The following ZMAT4 variants were observed in gnomAD, a reference collection of about 807,000 sequenced individuals.
ZMAT4 encodes zinc finger matrin-type protein 4.
Under a neutral mutation model 28.7 loss-of-function variants are expected in ZMAT4, and 17 were observed. The ratio of observed to expected loss-of-function variants is 0.59; its 90% CI spans 0.41 to 0.89. The LOEUF is 0.89. Ranked by LOEUF, ZMAT4 falls within the 40% of genes least tolerant of loss-of-function variation. The pLI, the probability that ZMAT4 is intolerant of heterozygous loss-of-function variation, is 0.00. For missense variants in ZMAT4, 240 were observed against 283.8 expected (o/e 0.85, Z 1.11); for synonymous variants, 117 against 109.2 (o/e 1.07, Z -0.44).
intron 5 of ZMAT4, among the ~76,000 whole-genome samples, chr8:40,619,361 A>G (rs1806120464): frequency 6.6e-6 from 1 of 152,170 alleles, no homozygotes; most frequent in Non-Finnish European, 1.5e-5. Flanking sequence ...TTCATGTTTA[A>G]AAAATAATAA....
chr8:40,781,205 C>A (rs1447969748), intron 2 of ZMAT4, among the ~76,000 whole-genome samples: 30 of 152,164 alleles, frequency 2.0e-4, no homozygotes, highest in Admixed American at 2.0e-3. Context: ...AATACAAAAA[C>A]CAATTGCATT....
chr8:40,783,264 G>C (rs1813919261), intron 2 of ZMAT4, among the ~76,000 whole-genome samples: 1 of 152,176 alleles, frequency 6.6e-6, no homozygotes, highest in Non-Finnish European at 1.5e-5. Flanking sequence ...ACATGGATAT[G>C]CCTTGAAATA....
intron 3 of ZMAT4, among the ~76,000 whole-genome samples, chr8:40,726,592 G>A (rs1458957086): frequency 1.3e-5 from 2 of 152,218 alleles, no homozygotes; most frequent in African/African-American, 4.8e-5. Context: ...TGGACTGAAT[G>A]TAATTTAGGT....
intron 5 of ZMAT4, among the ~76,000 whole-genome samples, chr8:40,630,186 T>C (rs1806523722): frequency 6.6e-6 from 1 of 152,230 alleles, no homozygotes; most frequent in Admixed American, 6.5e-5. Flanking sequence ...CTGCAAGTTT[T>C]CTTTTCTTCT....
chr8:40,765,874 A>T (rs1563469250), intron 3 of ZMAT4, among the ~76,000 whole-genome samples: 1 of 152,286 alleles, frequency 6.6e-6, no homozygotes, highest in East Asian at 1.9e-4. Flanking sequence ...AAGGATTCAG[A>T]TCTGATTGCT....
At chr8:40,730,823 G>C (rs1811505378) in intron 3 of ZMAT4, among the ~76,000 whole-genome samples, 1 of 152,148 alleles carries the variant, frequency 6.6e-6, no homozygotes, top group Non-Finnish European at 1.5e-5. Context: ...TCACACTTAT[G>C]GACTCTATCT....
chr8:40,746,517 C>A (rs1812243751), intron 3 of ZMAT4, among the ~76,000 whole-genome samples: 1 of 151,768 alleles, frequency 6.6e-6, no homozygotes, highest in South Asian at 2.1e-4. Flanking sequence ...GCGCATATCA[C>A]CACACCCAGT....
intron 5 of ZMAT4, among the ~76,000 whole-genome samples, chr8:40,611,237 T>C (rs1329701257): frequency 6.6e-6 from 1 of 152,178 alleles, no homozygotes; most frequent in East Asian, 1.9e-4. Context: ...GCCTAGCATA[T>C]CAGCTACAGC....
intron 5 of ZMAT4, among the ~76,000 whole-genome samples, chr8:40,618,251 T>C (rs892294326): frequency 2.0e-5 from 3 of 152,192 alleles, no homozygotes; most frequent in African/African-American, 7.2e-5. Context: ...TTCTTTGTCC[T>C]GGCATGACCA....
At chr8:40,749,003 C>G (rs1005915085) in intron 3 of ZMAT4, among the ~76,000 whole-genome samples, 1 of 152,130 alleles carries the variant, frequency 6.6e-6, no homozygotes, top group African/African-American at 2.4e-5. Context: ...CTCATGAGAT[C>G]TGATGCTTTT....
intron 4 of ZMAT4, 71 bp downstream of exon 4, chr8:40,697,174 G>C (rs1372067912): frequency 1.6e-4 from 228 of 1,460,174 alleles, no homozygotes; most frequent in Non-Finnish European, 2.0e-4. Flanking sequence ...TCTGAAGGAG[G>C]AGCATGATCT....
intron 6 of ZMAT4, among the ~76,000 whole-genome samples, chr8:40,548,487 A>G (rs1002750109): frequency 6.6e-6 from 1 of 152,180 alleles, no homozygotes; most frequent in African/African-American, 2.4e-5. Flanking sequence ...GGAAATGTTT[A>G]TGTTGCCTGA....
At chr8:40,660,978 C>A (rs1808167018) in intron 5 of ZMAT4, among the ~76,000 whole-genome samples, 1 of 152,174 alleles carries the variant, frequency 6.6e-6, no homozygotes, top group Admixed American at 6.5e-5. Flanking sequence ...GATATCAGGA[C>A]AATGGCATCT....
intron 3 of ZMAT4, among the ~76,000 whole-genome samples, chr8:40,720,393 G>A (rs1324321330): frequency 1.3e-5 from 2 of 152,074 alleles, no homozygotes; most frequent in East Asian, 3.9e-4. Flanking sequence ...TGGTCAGAAG[G>A]ACTTGCATTA....
At chr8:40,884,487 C>G (rs1818388238) in intron 1 of ZMAT4, 1 of 151,736 alleles carries the variant, frequency 6.6e-6, no homozygotes, top group Non-Finnish European at 1.5e-5. Context: ...CATGCACTAT[C>G]TCCAATGCCT....
At chr8:40,862,613 CAT>C (rs1192958478) in intron 1 of ZMAT4, among the ~76,000 whole-genome samples, 11 of 131,154 alleles carry the variant, frequency 8.4e-5, no homozygotes, top group Admixed American at 1.6e-4. Context: ...AAATTTGGCA[CAT>C]ATACACCATG....
chr8:40,562,920 G>C (rs1024901383), intron 6 of ZMAT4, among the ~76,000 whole-genome samples: 1 of 152,142 alleles, frequency 6.6e-6, no homozygotes, highest in South Asian at 2.1e-4. Context: ...GTCACGACGT[G>C]TGTGTGCACA....
At chr8:40,551,914 AAAGAAG>A (rs569928011) in intron 6 of ZMAT4, among the ~76,000 whole-genome samples, 3 of 152,146 alleles carry the variant, frequency 2.0e-5, no homozygotes, top group Admixed American at 6.5e-5. Context: ...ATTTCTTATC[AAAGAAG>A]AAGAGTACTA....
intron 5 of ZMAT4, among the ~76,000 whole-genome samples, chr8:40,660,784 A>G (rs1444464925): frequency 6.6e-6 from 1 of 152,226 alleles, no homozygotes; most frequent in Admixed American, 6.5e-5. Flanking sequence ...TCTATTTGAA[A>G]AGCAAATTGT....
Sources: allele counts gnomAD v4.1 joint callset (sites outside exome capture counted in the v4.1 genomes callset), GRCh38; gene constraint gnomAD v4.1.1; transcripts MANE v1.5; gene names NCBI Gene and HGNC (gene_info 2026-07-23, HGNC 2026-07-21).